The following PTPRD variants were observed in gnomAD, a reference collection of about 807,000 sequenced individuals.
PTPRD encodes the protein receptor-type tyrosine-protein phosphatase delta.
In PTPRD, 34 loss-of-function variants were observed where a neutral mutation model predicts 214.5. The observed-to-expected ratio is 0.16, with a 90% CI of 0.12 to 0.21. The LOEUF (loss-of-function observed/expected upper bound fraction) is 0.21, where lower values mean the gene tolerates loss of function less well. PTPRD is among the 10% of genes least tolerant of loss of function. PTPRD has a pLI of 1.00. For missense variants in PTPRD, 2,545 were observed against 2,398.7 expected (o/e 1.06, Z -1.27); for synonymous variants, 1,128 against 845.7 (o/e 1.33, Z -5.79).
chr9:8,403,220 T>A (rs545400622), intron 36 of PTPRD, among the ~76,000 whole-genome samples: 1 of 152,172 alleles, frequency 6.6e-6, no homozygotes, highest in Admixed American at 6.5e-5. Context: ...AGCAGAGATT[T>A]TGGAAGCAGA....
chr9:8,857,970 C>T (rs1030576589), intron 11 of PTPRD, among the ~76,000 whole-genome samples: 2 of 148,982 alleles, frequency 1.3e-5, no homozygotes, highest in Non-Finnish European at 3.0e-5. Flanking sequence ...CTCCTCTTCC[C>T]GGGCCGTCCT....
intron 3 of PTPRD, among the ~76,000 whole-genome samples, chr9:10,057,359 TGAG>T (rs2097672454): frequency 6.6e-6 from 1 of 152,072 alleles, no homozygotes; most frequent in South Asian, 2.1e-4. Context: ...ACAAAGATGT[TGAG>T]GAGGTGAAAA....
intron 8 of PTPRD, among the ~76,000 whole-genome samples, chr9:9,571,174 T>A (rs2154300361): frequency 1.3e-5 from 2 of 151,666 alleles, no homozygotes; most frequent in Admixed American, 1.3e-4. Context: ...CAAACACATG[T>A]ATGTTTGCAT....
chr9:8,639,392 C>G (rs973207858), intron 12 of PTPRD, among the ~76,000 whole-genome samples: 1 of 152,052 alleles, frequency 6.6e-6, no homozygotes, highest in Non-Finnish European at 1.5e-5. Context: ...TGGTACAATA[C>G]TGTCATTTTT....
intron 8 of PTPRD, among the ~76,000 whole-genome samples, chr9:9,488,710 C>T (rs1290541257): frequency 6.6e-6 from 1 of 152,128 alleles, no homozygotes; most frequent in Non-Finnish European, 1.5e-5. Flanking sequence ...ACTCTGCTGT[C>T]TATTTAAGGC....
At chr9:8,690,543 AAT>A (rs1555144263) in intron 12 of PTPRD, among the ~76,000 whole-genome samples, 1 of 146,606 alleles carries the variant, frequency 6.8e-6, no homozygotes, top group African/African-American at 2.6e-5. Flanking sequence ...AAAAAAAAAA[AAT>A]TAGATTTAAT....
intron 39 of PTPRD, among the ~76,000 whole-genome samples, chr9:8,370,917 G>A (rs2134382063): frequency 6.6e-6 from 1 of 152,156 alleles, no homozygotes; most frequent in African/African-American, 2.4e-5. Flanking sequence ...TGTGAAATGG[G>A]AGACTAAAAT....
At chr9:8,611,726 C>CAAAAGAAAAAAGAAAAG (rs2095454013) in intron 14 of PTPRD, among the ~76,000 whole-genome samples, 1 of 79,268 alleles carries the variant, frequency 1.3e-5, no homozygotes, top group Non-Finnish European at 2.7e-5. Context: ...AAAGAAAAGA[C>CAAAAGAAAAAAGAAAAG]AAAAGAAAAA....
intron 6 of PTPRD, among the ~76,000 whole-genome samples, chr9:9,751,185 T>C (rs202001637): frequency 7.2e-6 from 1 of 139,518 alleles, no homozygotes; most frequent in Non-Finnish European, 1.5e-5. Context: ...TTAAAAAAAA[T>C]ATTTTTACAA....
intron 11 of PTPRD, among the ~76,000 whole-genome samples, chr9:8,913,476 G>C (rs767390446): frequency 6.6e-6 from 1 of 152,030 alleles, no homozygotes; most frequent in African/African-American, 2.4e-5. Context: ...ATCAAGCAAA[G>C]TATATTATTT....
chr9:9,302,603 T>TTTC (rs1555200184), intron 9 of PTPRD, among the ~76,000 whole-genome samples: 2 of 117,894 alleles, frequency 1.7e-5, no homozygotes, highest in African/African-American at 6.3e-5. Flanking sequence ...TTTTTTTTCT[T>TTTC]TTTTTTTTTT....
intron 11 of PTPRD, among the ~76,000 whole-genome samples, chr9:8,955,861 C>A (rs1409283055): frequency 5.3e-5 from 8 of 151,776 alleles, no homozygotes; most frequent in African/African-American, 7.3e-5. Context: ...GAAACTCATG[C>A]GTTCGACCTA....
chr9:8,333,388 C>T (rs552214844), intron 43 of PTPRD, among the ~76,000 whole-genome samples: 19 of 152,188 alleles, frequency 1.2e-4, no homozygotes, highest in African/African-American at 4.3e-4. Context: ...TGCCTGACTT[C>T]ATTTAAAGGT....
At chr9:9,099,658 AT>A (rs2099788569) in intron 10 of PTPRD, among the ~76,000 whole-genome samples, 1 of 152,202 alleles carries the variant, frequency 6.6e-6, no homozygotes, top group Non-Finnish European at 1.5e-5. Context: ...GTTTTTAAGA[AT>A]AAAAATATTC....
intron 9 of PTPRD, among the ~76,000 whole-genome samples, chr9:9,393,114 A>G (rs554436132): frequency 5.5e-4 from 83 of 152,126 alleles, no homozygotes; most frequent in African/African-American, 1.5e-3. Context: ...TCACCCTTCT[A>G]TGTGTCCACG....
At chr9:9,346,278 G>T (rs986704332) in intron 9 of PTPRD, among the ~76,000 whole-genome samples, 1 of 152,192 alleles carries the variant, frequency 6.6e-6, no homozygotes, top group African/African-American at 2.4e-5. Context: ...AAACTGTACA[G>T]CAAACACAAG....
rs1371165229 is a variant in PTPRD, at chr9:8,314,735, C to G, written c.*3139G>C. ...TACGTGCATTACTGCAGACTTTTTTCCCTTCCTGTTTCTATGTTGTGTTAT... is the reference window on the plus strand; with the variant it reads ...TACGTGCATTACTGCAGACTTTTTTGCCTTCCTGTTTCTATGTTGTGTTAT... On this transcript the variant is annotated 3_prime_UTR_variant, in exon 46 of 46. Transcript: ENST00000381196. 4.3e-6 allele frequency: 1 copy of G among 232,036 alleles called. No individual in the cohort carries two copies. Among genetic ancestry groups the G allele is most frequent in the Non-Finnish European group, 8.5e-6 (1 of 117,270 alleles). The allele number at this position is 232,036 out of a possible 1,614,324, so 14.4% of individuals were successfully genotyped here. A position where few individuals can be genotyped will look rare whatever the true frequency, so the allele number is the denominator to read the frequency against.
intron 11 of PTPRD, among the ~76,000 whole-genome samples, chr9:8,815,695 G>T (rs2096906100): frequency 6.6e-6 from 1 of 151,890 alleles, no homozygotes; most frequent in African/African-American, 2.4e-5. Flanking sequence ...ATTATTCCTA[G>T]GCAACTTTTA....
intron 2 of PTPRD, among the ~76,000 whole-genome samples, chr9:10,580,785 A>C (rs1436987758): frequency 2.0e-5 from 3 of 152,222 alleles, no homozygotes; most frequent in African/African-American, 7.2e-5. Context: ...CTAGTCTCAT[A>C]GTCAGAGTAT....
Sources: gnomAD v4.1 joint callset for allele counts (sites outside exome capture counted in the v4.1 genomes callset) on GRCh38, gnomAD v4.1.1 for gene constraint, MANE v1.5 for transcripts, NCBI Gene and HGNC (gene_info 2026-07-23, HGNC 2026-07-21) for gene names.